Variants in CACNB2 observed in about 807,000 individuals in gnomAD.
CACNB2 encodes calcium voltage-gated channel auxiliary subunit beta 2.
CACNB2 carries 42 observed loss-of-function variants against 73.3 expected under a neutral mutation model. The ratio of observed to expected loss-of-function variants is 0.57; its 90% CI spans 0.45 to 0.74. The LOEUF is 0.74. CACNB2 is among the 30% of genes least tolerant of loss of function. CACNB2 has a pLI of 0.00. For missense variants in CACNB2, 940 were observed against 853.0 expected (o/e 1.10, Z -1.27); for synonymous variants, 348 against 310.3 (o/e 1.12, Z -1.28).
chr10:18,440,731 G>T (rs1473668331), intron 3 of CACNB2, among the ~76,000 whole-genome samples: 1 of 152,150 alleles, frequency 6.6e-6, no homozygotes, highest in Non-Finnish European at 1.5e-5. Flanking sequence ...TTTGAGGATA[G>T]ATTATTTCAG....
chr10:18,251,309 A>G (rs946827605), intron 2 of CACNB2, among the ~76,000 whole-genome samples: 4 of 151,116 alleles, frequency 2.6e-5, no homozygotes, highest in African/African-American at 9.7e-5. Flanking sequence ...TGATGGCATG[A>G]TCTCAGCTCA....
At chr10:18,368,787 T>A (rs536938814) in intron 2 of CACNB2, among the ~76,000 whole-genome samples, 1 of 152,118 alleles carries the variant, frequency 6.6e-6, no homozygotes, top group Non-Finnish European at 1.5e-5. Context: ...TTTTCATGAA[T>A]AATTTGTGTC....
intron 3 of CACNB2, among the ~76,000 whole-genome samples, chr10:18,460,530 G>C (rs1465535746): frequency 2.0e-5 from 3 of 151,982 alleles, no homozygotes; most frequent in South Asian, 4.2e-4. Flanking sequence ...TTTAGTGATG[G>C]TGCCAGGGAA....
At position 18,539,784 on chromosome 10, in the gene CACNB2, C is replaced by T. The variant is rs11539448; in HGVS notation, c.*60C>T. On this transcript the variant is annotated 3_prime_UTR_variant, in exon 14 of 14. Coordinates refer to ENST00000324631, the MANE Select transcript of CACNB2 (RefSeq NM_201596.3). ...TGAAGTCTTGTATAACTAACAGCAT[C>T]CCCAAAACAAAGTCTTTGGGGTCTA... 1.3e-6 allele frequency: 2 copies of T among 1,520,986 alleles called. No homozygotes were observed. The highest frequency in any genetic ancestry group is 1.2e-5 in the South Asian group (1 of 83,236). 94.2% of individuals were successfully genotyped at this position (1,520,986 alleles called of 1,614,324 possible).
intron 2 of CACNB2, among the ~76,000 whole-genome samples, chr10:18,226,061 G>C (rs542885356): frequency 6.5e-4 from 97 of 149,586 alleles, no homozygotes; most frequent in African/African-American, 2.4e-3. Context: ...GGGTCTTGCT[G>C]TGTAGCCCGG....
intron 2 of CACNB2, among the ~76,000 whole-genome samples, chr10:18,355,573 A>G (rs1321047679): frequency 6.6e-6 from 1 of 152,018 alleles, no homozygotes; most frequent in African/African-American, 2.4e-5. Flanking sequence ...TATAATCACA[A>G]AAGTATCTGC....
intron 2 of CACNB2, among the ~76,000 whole-genome samples, chr10:18,238,901 C>T (rs891999582): frequency 2.0e-5 from 3 of 152,144 alleles, no homozygotes; most frequent in East Asian, 3.8e-4. Flanking sequence ...AGACCTGATT[C>T]GATTATTTCT....
At chr10:18,346,385 G>T (rs893681717) in intron 2 of CACNB2, among the ~76,000 whole-genome samples, 3 of 151,932 alleles carry the variant, frequency 2.0e-5, no homozygotes, top group African/African-American at 7.2e-5. Flanking sequence ...AGTTCCACTC[G>T]CCTCGGCCTC....
chr10:18,525,299 A>G (rs2052361755), intron 9 of CACNB2, among the ~76,000 whole-genome samples: 1 of 151,736 alleles, frequency 6.6e-6, no homozygotes, highest in South Asian at 2.1e-4. Flanking sequence ...TTCAAGCTTT[A>G]CTGTCATTTT....
chr10:18,542,807 C>T lies in CACNB2; in HGVS notation c.*3083C>T, dbSNP rs988811675. 1.3e-5 allele frequency: 2 copies of T among 151,688 alleles called. No individual in the cohort carries two copies. The highest frequency in any genetic ancestry group is 2.9e-5 in the Non-Finnish European group (2 of 67,974). The allele number at this position is 151,688 out of a possible 1,614,324, so 9.4% of individuals were successfully genotyped here. A position where few individuals can be genotyped will look rare whatever the true frequency, so the allele number is the denominator to read the frequency against. ...TTACAGTCTTTTCACACAACAAAGG[C>T]TTAACCTTAACCTACTCAGTTGTAG... On this transcript the variant is annotated 3_prime_UTR_variant, in exon 14 of 14. Coordinates refer to ENST00000324631, the MANE Select transcript of CACNB2 (RefSeq NM_201596.3).
rs142488358 is a variant in CACNB2, at chr10:18,491,375, G to A, written c.334-6980G>A. Among the ~76,000 whole-genome samples the A allele has an allele frequency of 8.5e-5, 13 of 152,276 alleles. No individual in the cohort carries two copies. In the East Asian group the frequency reaches 2.5e-3, roughly 29 times the overall value. On this transcript the variant is annotated intron_variant, in intron 3 of 13. Coordinates refer to ENST00000324631, the MANE Select transcript of CACNB2 (RefSeq NM_201596.3). Reference sequence around the variant, plus strand: ...AAGGCGGGAGGATCACTTGAGGCCAGGAGTTCAAGACCAGCCTGGGCATCA... The same window carrying A: ...AAGGCGGGAGGATCACTTGAGGCCAAGAGTTCAAGACCAGCCTGGGCATCA...
Position 18,143,569 on chromosome 10 carries a change from G to A in CACNB2, c.120+2713G>A, listed in dbSNP as rs150197603. ...ATGAAAGCAATTTGACTTGAATTGC[G>A]TTCATCTCACACCCATTATTTGAGG... On this transcript the variant is annotated intron_variant, in intron 1 of 13. Coordinates refer to ENST00000324631, the MANE Select transcript of CACNB2 (RefSeq NM_201596.3). Among the ~76,000 whole-genome samples, 161 of 152,218 alleles carry A rather than the reference G, an allele frequency of 1.1e-3. 1 individual carries two copies. Among genetic ancestry groups the A allele is most frequent in the African/African-American group, 3.7e-3 (153 of 41,540 alleles).
At chr10:18,271,346 C>A (rs1301588386) in intron 2 of CACNB2, among the ~76,000 whole-genome samples, 8 of 152,136 alleles carry the variant, frequency 5.3e-5, no homozygotes, top group Non-Finnish European at 1.2e-4. Context: ...CAGAGGAGAT[C>A]TAAGTTCTGA....
At chr10:18,211,868 T>C (rs2131354155) in intron 2 of CACNB2, among the ~76,000 whole-genome samples, 1 of 152,280 alleles carries the variant, frequency 6.6e-6, no homozygotes, top group Non-Finnish European at 1.5e-5. Context: ...TGGTTTCTTT[T>C]TTTTTTTCTC....
chr10:18,311,978 A>G (rs908831855), intron 2 of CACNB2, among the ~76,000 whole-genome samples: 2 of 152,092 alleles, frequency 1.3e-5, no homozygotes, highest in Non-Finnish European at 2.9e-5. Context: ...CCCCTTCTAT[A>G]CTTCTGGGTA....
intron 2 of CACNB2, among the ~76,000 whole-genome samples, chr10:18,301,089 A>T (rs1191412098): frequency 6.6e-6 from 1 of 152,206 alleles, no homozygotes; most frequent in Non-Finnish European, 1.5e-5. Flanking sequence ...CTCCTTTTCA[A>T]AAAGGGGACT....
intron 2 of CACNB2, among the ~76,000 whole-genome samples, chr10:18,270,412 T>A (rs1276857841): frequency 6.6e-6 from 1 of 152,136 alleles, no homozygotes; most frequent in Non-Finnish European, 1.5e-5. Flanking sequence ...CATCTTAGTC[T>A]TCATCCTTCA....
chr10:18,410,976 T>C (rs992036059), intron 3 of CACNB2, among the ~76,000 whole-genome samples: 2 of 151,902 alleles, frequency 1.3e-5, no homozygotes, highest in Admixed American at 6.6e-5. Flanking sequence ...CAAGACTCCA[T>C]TTAAAAAAAA....
chr10:18,507,897 G>A (rs182762008), intron 6 of CACNB2, among the ~76,000 whole-genome samples: 7 of 152,200 alleles, frequency 4.6e-5, no homozygotes, highest in East Asian at 1.9e-4. Context: ...CCTGAATGGT[G>A]GTGGCCTTTA....
Sources: gnomAD v4.1 joint callset for allele counts (sites outside exome capture counted in the v4.1 genomes callset) on GRCh38, gnomAD v4.1.1 for gene constraint, MANE v1.5 for transcripts, NCBI Gene and HGNC (gene_info 2026-07-23, HGNC 2026-07-21) for gene names.